Variants in OR14J1 observed in about 807,000 individuals in gnomAD.
OR14J1 encodes olfactory receptor family 14 subfamily J member 1.
For missense variants in OR14J1, 378 were observed against 393.4 expected (o/e 0.96, Z 0.33); for synonymous variants, 140 against 146.7 (o/e 0.95, Z 0.33).
intron 1 of OR14J1, among the ~76,000 whole-genome samples, chr6:29,302,947 A>G (rs1032232329): frequency 6.6e-6 from 1 of 152,254 alleles, no homozygotes; most frequent in Non-Finnish European, 1.5e-5. Flanking sequence ...TTGATTGGAT[A>G]TACAGATTAA....
chr6:29,308,924 G>A lies in OR14J1; in HGVS notation c.*1269G>A, dbSNP rs1775304758. The A allele has an allele frequency of 6.6e-6, 1 of 151,614 alleles. No individual in the cohort carries two copies. The highest frequency in any genetic ancestry group is 1.5e-5 in the Non-Finnish European group (1 of 67,958). The allele number at this position is 151,614 out of a possible 1,614,324, so 9.4% of individuals were successfully genotyped here. ...GCTCTGGGGTACATGTGCAGAACTT[G>A]CAGGTTTGTTACGTAGGTATATACA... On this transcript the variant is annotated 3_prime_UTR_variant, in exon 2 of 2. Coordinates refer to ENST00000641895, the MANE Select transcript of OR14J1 (RefSeq NM_030946.2).
chr6:29,301,779 T>C lies in OR14J1; in HGVS notation c.-37T>C, dbSNP rs1274298383. 1 of 152,178 alleles carries C rather than the reference T, an allele frequency of 6.6e-6. No individual in the cohort carries two copies. The highest frequency in any genetic ancestry group is 1.5e-5 in the Non-Finnish European group (1 of 68,024). The allele number at this position is 152,178 out of a possible 1,614,324, so 9.4% of individuals were successfully genotyped here. A position where few individuals can be genotyped will look rare whatever the true frequency, so the allele number is the denominator to read the frequency against. ...ATTGAGATTTGTTTCTACCGAGAGA[T>C]CCACTCTGGTGAGTAAAACTTCTTC... On this transcript the variant is annotated 5_prime_UTR_variant, in exon 1 of 2. Coordinates refer to ENST00000641895, the MANE Select transcript of OR14J1 (RefSeq NM_030946.2).
rs752007235 is a variant in OR14J1 at position 29,307,256 on chromosome 6, T to G, written c.567T>G (p.Tyr189Ter). ...AGATGCTGAAACTAGCCTGTTCTTATGAATTCATTAATGAGATTGCACTGG... is the reference window on the plus strand; with the variant it reads ...AGATGCTGAAACTAGCCTGTTCTTAGGAATTCATTAATGAGATTGCACTGG... ...VPQMLKLACS[Y>*]EFINEIALAA... The change falls in exon 2 of 2, where the codon TAT becomes TAG. Residue 189 changes from tyrosine (Y) to a stop codon, truncating the protein, a stop_gained. Coordinates refer to ENST00000641895, the MANE Select transcript of OR14J1 (RefSeq NM_030946.2). LOFTEE classifies it low-confidence loss of function (END_TRUNC). 1.9e-6 allele frequency: 3 copies of G among 1,612,902 alleles called. No individual in the cohort carries two copies. The highest frequency in any genetic ancestry group is 3.3e-5 in the Admixed American group (2 of 60,004).
intron 1 of OR14J1, among the ~76,000 whole-genome samples, chr6:29,305,454 A>T (rs769082009): frequency 6.6e-6 from 1 of 152,172 alleles, no homozygotes; most frequent in East Asian, 1.9e-4. Flanking sequence ...TAGAACCTAT[A>T]TGTTAGATGC....
chr6:29,305,810 A>G (rs528700955), intron 1 of OR14J1, among the ~76,000 whole-genome samples: 4 of 152,062 alleles, frequency 2.6e-5, no homozygotes, highest in South Asian at 2.1e-4. Context: ...AAAGAAATAT[A>G]TATATATATT....
rs1293046670 is a variant in OR14J1 at position 29,307,457 on chromosome 6, G to GTTTCTCAGA, written c.769_777dup (p.Phe257_Arg259dup). ...TCTTTCTTTCAGCTGCAGGCTTTGA[G>GTTTCTCAGA]TTTCTCAGACTGCCTTCTGATTCCT... On this transcript the variant is annotated inframe_insertion, in exon 2 of 2. Coordinates refer to ENST00000641895, the MANE Select transcript of OR14J1 (RefSeq NM_030946.2). 6.2e-7 allele frequency: 1 copy of GTTTCTCAGA among 1,612,910 alleles called. No homozygotes were observed. Among genetic ancestry groups the GTTTCTCAGA allele is most frequent in the Non-Finnish European group, 8.5e-7 (1 of 1,180,036 alleles).
In OR14J1 at chr6:29,307,447, C is replaced by G; in HGVS notation, c.758C>G (p.Ala253Gly). Residue 253 changes from alanine (A) to glycine (G), a missense_variant, in exon 2 of 2, where the codon GCA becomes GGA. Transcript: ENST00000641895. ...GTAGCCACCTTCTTTCTTTCAGCTG[C>G]AGGCTTTGAGTTTCTCAGACTGCCT... ...LFVATFFLSA[A>G]GFEFLRLPSD... is the part of the protein sequence containing the mutation. The G allele has an allele frequency of 6.2e-7, 1 of 1,613,062 alleles. No individual in the cohort carries two copies. Among genetic ancestry groups the G allele is most frequent in the Non-Finnish European group, 8.5e-7 (1 of 1,180,024 alleles).
rs1371677531 is a variant in OR14J1 at position 29,306,837 on chromosome 6, G to C, written c.148G>C (p.Asp50His). The C allele has an allele frequency of 1.2e-6, 2 of 1,613,002 alleles. No individual in the cohort carries two copies. Among genetic ancestry groups the C allele is most frequent in the South Asian group, 2.2e-5 (2 of 91,074 alleles). Residue 50 changes from aspartate (D) to histidine (H), a missense_variant, in exon 2 of 2, where the codon GAC (aspartate) becomes CAC (histidine). Asp to His is a moderately conservative substitution (Grantham distance 81). Coordinates refer to ENST00000641895, the MANE Select transcript of OR14J1 (RefSeq NM_030946.2). The part of the protein sequence containing the change: ...NLLIITIITV[D>H]RRLHSPMYYF... ...CCTCATTATCACCATCATTACCGTG[G>C]ACCGTCGTCTCCATTCCCCCATGTA...
rs1284072963 is a variant in OR14J1 at position 29,309,785 on chromosome 6, TC to T, written c.*2132del. The stretch of plus-strand genomic sequence containing the variant: ...TCACGAGGTCAGGAGATTGAGACCA[TC>T]CTGGCTAACATGGTGAAACTCCATC... On this transcript the variant is annotated 3_prime_UTR_variant, in exon 2 of 2. Coordinates refer to ENST00000641895, the MANE Select transcript of OR14J1 (RefSeq NM_030946.2). The T allele has an allele frequency of 1.3e-5, 2 of 152,152 alleles. No individual in the cohort carries two copies. Among genetic ancestry groups the T allele is most frequent in the African/African-American group, 4.8e-5 (2 of 41,428 alleles). The allele number at this position is 152,152 out of a possible 1,614,324, so 9.4% of individuals were successfully genotyped here.
rs1775571622 is a variant in OR14J1 at position 29,312,240 on chromosome 6, C to A, written c.*4585C>A. 1.3e-5 allele frequency: 2 copies of A among 152,138 alleles called. No homozygotes were observed. The highest frequency in any genetic ancestry group is 2.9e-5 in the Non-Finnish European group (2 of 68,056). 9.4% of individuals were successfully genotyped at this position (152,138 alleles called of 1,614,324 possible). ...GATCTTTCCTGCTTTCTCCTGTGGG[C>A]ATTTAGTGCTATAAATTTCCCTTTA... On this transcript the variant is annotated 3_prime_UTR_variant, in exon 2 of 2. Transcript: ENST00000641895.
At chr6:29,303,081 G>A (rs769308766) in intron 1 of OR14J1, among the ~76,000 whole-genome samples, 3 of 152,242 alleles carry the variant, frequency 2.0e-5, no homozygotes, top group Non-Finnish European at 4.4e-5. Flanking sequence ...AGCAGGATAT[G>A]AGGACCTGCA....
intron 1 of OR14J1, among the ~76,000 whole-genome samples, chr6:29,302,333 C>T (rs370216432): frequency 1.4e-3 from 207 of 151,858 alleles, no homozygotes; most frequent in African/African-American, 3.0e-3. Flanking sequence ...TGCCCACCAC[C>T]GTGCCCGGCT....
At chr6:29,305,865 T>C (rs938380807) in intron 1 of OR14J1, among the ~76,000 whole-genome samples, 7 of 152,118 alleles carry the variant, frequency 4.6e-5, no homozygotes, top group Non-Finnish European at 8.8e-5. Flanking sequence ...TAGAAAGATA[T>C]ATACTCTACT....
Position 29,311,087 on chromosome 6 carries a change from T to C in OR14J1, c.*3432T>C, listed in dbSNP as rs536881817. 6.6e-6 allele frequency: 1 copy of C among 152,268 alleles called. No homozygotes were observed. The highest frequency in any genetic ancestry group is 2.4e-5 in the African/African-American group (1 of 41,548). 9.4% of individuals were successfully genotyped at this position (152,268 alleles called of 1,614,324 possible). ...ACAATTTGAATTCCTCTCTTTCTAT[T>C]TGAATACCTTTTATTTTTTTCTCTT... On this transcript the variant is annotated 3_prime_UTR_variant, in exon 2 of 2. Coordinates refer to ENST00000641895, the MANE Select transcript of OR14J1 (RefSeq NM_030946.2).
chr6:29,309,796 A>G lies in OR14J1; in HGVS notation c.*2141A>G, dbSNP rs780250756. 5.3e-5 allele frequency: 8 copies of G among 152,218 alleles called. No homozygotes were observed. The highest frequency in any genetic ancestry group is 1.3e-4 in the Admixed American group (2 of 15,258). 9.4% of individuals were successfully genotyped at this position (152,218 alleles called of 1,614,324 possible). On this transcript the variant is annotated 3_prime_UTR_variant, in exon 2 of 2. Coordinates refer to ENST00000641895, the MANE Select transcript of OR14J1 (RefSeq NM_030946.2). The stretch of plus-strand genomic sequence containing the variant: ...GGAGATTGAGACCATCCTGGCTAAC[A>G]TGGTGAAACTCCATCTCAACTAAAA...
intron 1 of OR14J1, among the ~76,000 whole-genome samples, chr6:29,304,461 T>C (rs1190284001): frequency 3.9e-5 from 6 of 152,194 alleles, no homozygotes; most frequent in Admixed American, 3.9e-4. Flanking sequence ...TTAGTTTTAT[T>C]ATAAATAAAG....
rs978466959 is a variant in OR14J1, at chr6:29,307,882, G to A, written c.*227G>A. 4.5e-6 allele frequency: 2 copies of A among 441,912 alleles called. No individual in the cohort carries two copies. The highest frequency in any genetic ancestry group is 4.0e-5 in the Admixed American group (1 of 25,186). 27.4% of individuals were successfully genotyped at this position (441,912 alleles called of 1,614,324 possible). A position where few individuals can be genotyped will look rare whatever the true frequency, so the allele number is the denominator to read the frequency against. On this transcript the variant is annotated 3_prime_UTR_variant, in exon 2 of 2. Transcript: ENST00000641895. ...TGGAAAATTTTTCTGAAATGAAGGA[G>A]AAAGACAATTAGTTTGGAGTCTGGC...
At chr6:29,302,179 C>CTTTTTTTTTTTTTT (rs1157949122) in intron 1 of OR14J1, among the ~76,000 whole-genome samples, 4 of 102,046 alleles carry the variant, frequency 3.9e-5, no homozygotes, top group Non-Finnish European at 8.2e-5. Flanking sequence ...TTTTTTTTTT[C>CTTTTTTTTTTTTTT]TTTTTTTTTT....
Position 29,312,466 on chromosome 6 carries a change from C to A in OR14J1, c.*4811C>A, listed in dbSNP as rs200181085. On this transcript the variant is annotated 3_prime_UTR_variant, in exon 2 of 2. Coordinates refer to ENST00000641895, the MANE Select transcript of OR14J1 (RefSeq NM_030946.2). ...CATGGCTCAGTCCCTCATGGCTTCC[C>A]TTGGCTAGGGGAGGGAGTTGTCTGA... 1 of 167,432 alleles carries A rather than the reference C, an allele frequency of 6.0e-6. No homozygotes were observed. The highest frequency in any genetic ancestry group is 1.2e-5 in the Non-Finnish European group (1 of 80,480). The allele number at this position is 167,432 out of a possible 1,614,324, so 10.4% of individuals were successfully genotyped here. A position where few individuals can be genotyped will look rare whatever the true frequency, so the allele number is the denominator to read the frequency against.
Sources: allele counts gnomAD v4.1 joint callset (sites outside exome capture counted in the v4.1 genomes callset), GRCh38; gene constraint gnomAD v4.1.1; transcripts MANE v1.5; gene names NCBI Gene and HGNC (gene_info 2026-07-23, HGNC 2026-07-21).